DNAH8: variants seen among roughly 807,000 people sequenced by gnomAD.
The protein encoded by DNAH8 is axonemal beta dynein heavy chain 8.
A neutral mutation model predicts 562.1 loss-of-function variants in DNAH8; 382 were observed. That is an observed-to-expected ratio of 0.68 (90% CI 0.63 to 0.74). The LOEUF is 0.74. Among genes scored for constraint, DNAH8 ranks in the 30% least tolerant of loss-of-function variants. DNAH8 has a pLI of 0.00. For synonymous variants in DNAH8, 1,881 were observed against 1,919.4 expected, an observed-to-expected ratio of 0.98 and a Z score of 0.52; for missense variants, 5,203 against 5,620.4, an observed-to-expected ratio of 0.93 and a Z score of 2.37.
chr6:38,739,780 C>T (rs1334716307), intron 7 of DNAH8, among the ~76,000 whole-genome samples: 2 of 152,174 alleles, frequency 1.3e-5, no homozygotes, highest in Non-Finnish European at 2.9e-5. Flanking sequence ...CTTTTCAATT[C>T]CATGTTTTTC....
intron 10 of DNAH8, among the ~76,000 whole-genome samples, chr6:38,760,525 T>C (rs1413034532): frequency 6.6e-6 from 1 of 152,146 alleles, no homozygotes; most frequent in Non-Finnish European, 1.5e-5. Context: ...GACTTTCCTT[T>C]CTCTTTATTC....
chr6:38,922,797 A>G (rs1045098793), intron 71 of DNAH8, among the ~76,000 whole-genome samples: 1 of 152,190 alleles, frequency 6.6e-6, no homozygotes. Flanking sequence ...TACTATTGTA[A>G]TTTGTCTGAT....
chr6:38,862,368 A>G lies in DNAH8; in HGVS notation c.6220A>G (p.Lys2074Glu), dbSNP rs2097374115. 6.2e-7 allele frequency: 1 copy of G among 1,614,162 alleles called. No homozygotes were observed. The highest frequency in any genetic ancestry group is 8.5e-7 in the Non-Finnish European group (1 of 1,179,998). The change falls in exon 44 of 93, where the codon AAA becomes GAA. Residue 2074 changes from lysine (K) to glutamate (E), a missense_variant. Lys to Glu is a moderately conservative substitution (Grantham distance 56). Transcript: ENST00000327475. ...PAGTGKTETT[K>E]DMGRCLGKYV... is the part of the protein sequence containing the mutation. ...TGGCACTGGCAAAACAGAAACCACA[A>G]AAGACATGGGAAGGTGTTTGGGAAA... is the stretch of plus-strand genomic sequence containing the variant.
chr6:38,929,219 A>C lies in DNAH8; in HGVS notation c.11119-292A>C, dbSNP rs572746039. The C allele has an allele frequency of 1.5e-4, 33 of 222,670 alleles. No homozygotes were observed. In the South Asian group the frequency reaches 5.4e-3, roughly 37 times the overall value. 13.8% of individuals were successfully genotyped at this position (222,670 alleles called of 1,614,324 possible). ...AGTTTGAAAGGATTAATCCTTGACTATTCTCTTCCATCTGTCAGGAGCAGA... is the reference window on the plus strand; with the variant it reads ...AGTTTGAAAGGATTAATCCTTGACTCTTCTCTTCCATCTGTCAGGAGCAGA... On this transcript the variant is annotated intron_variant, in intron 74 of 92. Transcript: ENST00000327475.
chr6:38,835,637 C>T (rs1774214034), intron 32 of DNAH8, among the ~76,000 whole-genome samples: 1 of 152,018 alleles, frequency 6.6e-6, no homozygotes, highest in African/African-American at 2.4e-5. Flanking sequence ...CATACAAAGG[C>T]CCGGCAGAGA....
chr6:38,750,838 T>C (rs767431200), intron 9 of DNAH8, among the ~76,000 whole-genome samples: 8 of 149,786 alleles, frequency 5.3e-5, no homozygotes, highest in Non-Finnish European at 1.2e-4. Flanking sequence ...TTAATATGTG[T>C]ATATTGGGGA....
At chr6:38,971,488 AG>A in intron 82 of DNAH8, 103 bp from the exon 83 acceptor site, 1 of 536,208 alleles carries the variant, frequency 1.9e-6, no homozygotes, top group South Asian at 5.6e-5. Flanking sequence ...TTTTTTTTTT[AG>A]AAACAATAGA....
chr6:39,001,110 C>T lies in DNAH8; in HGVS notation c.13215-7704C>T, dbSNP rs904899825. ...ATGAGGGAGGGGGGTGCTTAAAGAGCGGAGTGGCCGATGCAGAGTGTGGCT... is the reference window on the plus strand; with the variant it reads ...ATGAGGGAGGGGGGTGCTTAAAGAGTGGAGTGGCCGATGCAGAGTGTGGCT... On this transcript the variant is annotated intron_variant, in intron 88 of 92. Coordinates refer to ENST00000327475, the MANE Select transcript of DNAH8 (RefSeq NM_001206927.2). Among the ~76,000 whole-genome samples, 3 of 152,210 alleles carry T rather than the reference C, an allele frequency of 2.0e-5. 1 individual carries two copies. Among genetic ancestry groups the T allele is most frequent in the East Asian group, 1.9e-4 (1 of 5,174 alleles).
chr6:39,002,131 T>C (rs1365610698), intron 88 of DNAH8, among the ~76,000 whole-genome samples: 2 of 152,276 alleles, frequency 1.3e-5, no homozygotes, highest in East Asian at 3.9e-4. Flanking sequence ...CAAAGAGCTC[T>C]GGGGCTCCAG....
chr6:38,977,123 G>A (rs1484254763), intron 85 of DNAH8, among the ~76,000 whole-genome samples: 1 of 152,228 alleles, frequency 6.6e-6, no homozygotes, highest in Non-Finnish European at 1.5e-5. Flanking sequence ...GGGAGAAGGG[G>A]AAGTAAATTT....
At chr6:38,756,436 C>T (rs1223585861) in intron 10 of DNAH8, among the ~76,000 whole-genome samples, 4 of 151,972 alleles carry the variant, frequency 2.6e-5, no homozygotes, top group Non-Finnish European at 1.5e-5. Context: ...TAAAATTTTC[C>T]TGTGTAGCGC....
intron 82 of DNAH8, among the ~76,000 whole-genome samples, chr6:38,956,178 TAGCAGA>T (rs1762230271): frequency 6.6e-6 from 1 of 152,204 alleles, no homozygotes; most frequent in East Asian, 1.9e-4. Flanking sequence ...TGCTCATATC[TAGCAGA>T]CTGGGAGTCT....
intron 82 of DNAH8, among the ~76,000 whole-genome samples, chr6:38,962,951 A>G (rs955419929): frequency 1.3e-5 from 2 of 152,174 alleles, no homozygotes; most frequent in Admixed American, 6.5e-5. Context: ...TAAGAATGAT[A>G]CAATGGACTT....
intron 31 of DNAH8, among the ~76,000 whole-genome samples, chr6:38,832,850 T>C (rs1773955694): frequency 6.6e-6 from 1 of 152,020 alleles, no homozygotes; most frequent in Non-Finnish European, 1.5e-5. Flanking sequence ...AAACAGATTT[T>C]ACTGTTAAAA....
At chr6:38,734,247 G>A (rs1763893099) in intron 4 of DNAH8, among the ~76,000 whole-genome samples, 1 of 144,444 alleles carries the variant, frequency 6.9e-6, no homozygotes, top group Non-Finnish European at 1.5e-5. Flanking sequence ...TTGCACTACT[G>A]CACTCCAGCC....
chr6:38,835,698 G>A (rs1335288189), intron 32 of DNAH8, among the ~76,000 whole-genome samples: 1 of 152,096 alleles, frequency 6.6e-6, no homozygotes, highest in African/African-American at 2.4e-5. Flanking sequence ...GGGTGGGGTC[G>A]TGTACCTTTG....
chr6:39,028,509 C>T (rs1027625175), intron 92 of DNAH8, among the ~76,000 whole-genome samples: 1 of 152,220 alleles, frequency 6.6e-6, no homozygotes, highest in Non-Finnish European at 1.5e-5. Flanking sequence ...TCTGTGTCCT[C>T]TCCTCTTCTT....
chr6:39,012,422 A>G (rs1766276980), intron 90 of DNAH8, 26 bp from the exon 91 acceptor site: 4 of 1,608,794 alleles, frequency 2.5e-6, no homozygotes, highest in Non-Finnish European at 3.4e-6. Context: ...TTTCTTATTC[A>G]TGTGTTTTAA....
intron 78 of DNAH8, 27 bp downstream of exon 78, chr6:38,938,253 A>G: frequency 6.3e-7 from 1 of 1,581,354 alleles, no homozygotes; most frequent in African/African-American, 1.3e-5. Flanking sequence ...TTCATCCAAA[A>G]GTGGTGACTT....
Sources: allele counts gnomAD v4.1 joint callset (sites outside exome capture counted in the v4.1 genomes callset), GRCh38; gene constraint gnomAD v4.1.1; transcripts MANE v1.5; gene names NCBI Gene and HGNC (gene_info 2026-07-23, HGNC 2026-07-21).